FAM222A: variants seen among roughly 807,000 people sequenced by gnomAD.
FAM222A encodes the protein family with sequence similarity 222 member A, also known as protein FAM222A.
In FAM222A, 7 loss-of-function variants were observed where a neutral mutation model predicts 25.8. The ratio of observed to expected loss-of-function variants is 0.27; its 90% CI spans 0.15 to 0.51. FAM222A has a LOEUF of 0.51. Ranked by LOEUF, FAM222A falls within the 20% of genes least tolerant of loss-of-function variation. The pLI is 0.97. For synonymous variants in FAM222A, 294 were observed against 298.8 expected, an observed-to-expected ratio of 0.98 and a Z score of 0.17; for missense variants, 573 against 640.5, an observed-to-expected ratio of 0.89 and a Z score of 1.14.
intron 1 of FAM222A, among the ~76,000 whole-genome samples, chr12:109,728,872 G>T (rs952449699): frequency 6.6e-6 from 1 of 152,096 alleles, no homozygotes; most frequent in African/African-American, 2.4e-5. Context: ...AGAGCAGGGA[G>T]CTCCCGTTCC....
intron 1 of FAM222A, among the ~76,000 whole-genome samples, chr12:109,717,209 G>C (rs1887661966): frequency 6.6e-6 from 1 of 152,214 alleles, no homozygotes; most frequent in Admixed American, 6.5e-5. Context: ...CTACAGGTCA[G>C]CGTTGAGTAG....
At chr12:109,725,730 G>A (rs1310751110) in intron 1 of FAM222A, among the ~76,000 whole-genome samples, 1 of 151,644 alleles carries the variant, frequency 6.6e-6, no homozygotes. Flanking sequence ...CAAATGTCAG[G>A]CGCCAAGTTG....
Position 109,768,472 on chromosome 12 carries a change from C to T in FAM222A, c.543C>T (p.Val181=). The change falls in exon 3 of 3, where the codon GTC becomes GTT. Residue 181 remains valine, a synonymous_variant. Transcript: ENST00000538780. ...GLPAAATAAS[V]IPLPGRGLPL... ...CCGCAGCCGCCACTGCCGCCTCCGT[C>T]ATCCCCCTGCCGGGCCGGGGCCTGC... 3 of 1,603,424 alleles carry T rather than the reference C, an allele frequency of 1.9e-6. No homozygotes were observed. Among genetic ancestry groups the T allele is most frequent in the Non-Finnish European group, 2.5e-6 (3 of 1,179,020 alleles).
intron 1 of FAM222A, among the ~76,000 whole-genome samples, chr12:109,715,305 G>A (rs967565479): frequency 1.3e-5 from 2 of 152,242 alleles, no homozygotes; most frequent in Admixed American, 6.5e-5. Flanking sequence ...TCACCTCAGA[G>A]GGGGATTTGG....
At chr12:109,730,141 G>A (rs1308709179) in intron 1 of FAM222A, among the ~76,000 whole-genome samples, 2 of 152,074 alleles carry the variant, frequency 1.3e-5, no homozygotes, top group African/African-American at 2.4e-5. Flanking sequence ...CCACCCAAAC[G>A]GCCCACCCTT....
chr12:109,768,466 C>G lies in FAM222A; in HGVS notation c.537C>G (p.Ala179=). 6.2e-7 allele frequency: 1 copy of G among 1,602,890 alleles called. No individual in the cohort carries two copies. The highest frequency in any genetic ancestry group is 8.5e-7 in the Non-Finnish European group (1 of 1,179,068). Residue 179 remains alanine, a synonymous_variant, in exon 3 of 3, where the codon GCC becomes GCG. Coordinates refer to ENST00000538780, the MANE Select transcript of FAM222A (RefSeq NM_032829.3). Reference sequence around the variant, plus strand: ...GCCTGCCCGCAGCCGCCACTGCCGCCTCCGTCATCCCCCTGCCGGGCCGGG... The same window carrying G: ...GCCTGCCCGCAGCCGCCACTGCCGCGTCCGTCATCCCCCTGCCGGGCCGGG... ...PPGLPAAATA[A]SVIPLPGRGL...
chr12:109,756,249 T>C (rs186717364), intron 2 of FAM222A, among the ~76,000 whole-genome samples: 1 of 152,328 alleles, frequency 6.6e-6, no homozygotes. Context: ...ATAGAGTTGA[T>C]TTTTGTATAT....
At chr12:109,740,692 T>C (rs1861813) in intron 1 of FAM222A, among the ~76,000 whole-genome samples, 117,836 of 152,138 alleles carry the variant, frequency 0.77, 46,082 homozygotes, top group Non-Finnish European at 0.82. Context: ...AACCAATTCA[T>C]TGATTCGGCC....
chr12:109,720,282 C>T (rs985556845), intron 1 of FAM222A: 24 of 698,826 alleles, frequency 3.4e-5, no homozygotes, highest in Non-Finnish European at 4.0e-5. Flanking sequence ...AACAGGCTCC[C>T]GGGGATGGGG....
chr12:109,718,274 C>G (rs1887682272), intron 1 of FAM222A, among the ~76,000 whole-genome samples: 1 of 152,186 alleles, frequency 6.6e-6, no homozygotes, highest in African/African-American at 2.4e-5. Flanking sequence ...CTATCTCTGC[C>G]AGGGGCTTCT....
chr12:109,747,563 G>A (rs910410865), intron 2 of FAM222A, among the ~76,000 whole-genome samples: 4 of 152,186 alleles, frequency 2.6e-5, no homozygotes, highest in Non-Finnish European at 5.9e-5. Flanking sequence ...TACATTTACA[G>A]ATGAATTTAG....
Position 109,740,773 on chromosome 12 carries a change from C to T in FAM222A, c.-46-3328C>T, listed in dbSNP as rs145956777. ...TGGGGAGAGACAGACAAATAAGACA[C>T]GGTCCCTACCCCTAAGAAACACAGT... is the stretch of plus-strand genomic sequence containing the variant. On this transcript the variant is annotated intron_variant, in intron 1 of 2. Coordinates refer to ENST00000538780, the MANE Select transcript of FAM222A (RefSeq NM_032829.3). Among the ~76,000 whole-genome samples, 908 of 152,306 alleles carry T rather than the reference C, an allele frequency of 6.0e-3. 14 individuals carry two copies. The highest frequency in any genetic ancestry group is 0.021 in the African/African-American group (869 of 41,570).
At chr12:109,743,993 A>G (rs1478557257) in intron 1 of FAM222A, 108 bp from the exon 2 acceptor site, 5 of 1,424,476 alleles carry the variant, frequency 3.5e-6, no homozygotes, top group South Asian at 1.5e-5. Flanking sequence ...GTCTGCTTTG[A>G]GAGTCTCTGA....
intron 2 of FAM222A, 28 bp downstream of exon 2, chr12:109,744,256 C>T (rs1182468857): frequency 1.2e-6 from 2 of 1,600,676 alleles, no homozygotes; most frequent in Non-Finnish European, 1.7e-6. Context: ...CCAGCCTTTG[C>T]AGGGCAGGTC....
At chr12:109,762,353 G>A (rs1426546792) in intron 2 of FAM222A, among the ~76,000 whole-genome samples, 2 of 152,194 alleles carry the variant, frequency 1.3e-5, no homozygotes, top group African/African-American at 2.4e-5. Flanking sequence ...TCGTCAGAAC[G>A]CAGTGGCCAG....
intron 1 of FAM222A, chr12:109,720,173 G>A (rs867854553): frequency 1.2e-5 from 12 of 985,356 alleles, no homozygotes; most frequent in African/African-American, 5.2e-5. Flanking sequence ...CATCCCAGCC[G>A]CAGCAGCTGT....
chr12:109,738,680 C>G (rs1038132693), intron 1 of FAM222A, among the ~76,000 whole-genome samples: 2 of 152,244 alleles, frequency 1.3e-5, no homozygotes, highest in African/African-American at 2.4e-5. Flanking sequence ...TGTCCCTGCT[C>G]GAGATTCTAA....
In FAM222A at chr12:109,713,935, G is replaced by A. The variant is rs1592773309; in HGVS notation, c.-1009G>A. Among the ~76,000 whole-genome samples the A allele has an allele frequency of 6.8e-6, 1 of 146,056 alleles. No individual in the cohort carries two copies. Among genetic ancestry groups the A allele is most frequent in the Non-Finnish European group, 1.5e-5 (1 of 65,756 alleles). ...CAGCCGGGCCCGGCGCCTGTGGGGC[G>A]CGGCGCGCGGCACCCGGGCCTGAGA... On this transcript the variant is annotated 5_prime_UTR_variant, in exon 1 of 3. Coordinates refer to ENST00000538780, the MANE Select transcript of FAM222A (RefSeq NM_032829.3).
chr12:109,747,643 G>A (rs948475371), intron 2 of FAM222A, among the ~76,000 whole-genome samples: 8 of 151,902 alleles, frequency 5.3e-5, no homozygotes, highest in Admixed American at 2.0e-4. Flanking sequence ...CATGTCTCTC[G>A]GGAATGTTTT....
Sources: gnomAD v4.1 joint callset for allele counts (sites outside exome capture counted in the v4.1 genomes callset) on GRCh38, gnomAD v4.1.1 for gene constraint, MANE v1.5 for transcripts, NCBI Gene and HGNC (gene_info 2026-07-23, HGNC 2026-07-21) for gene names.